AQR: variants seen among roughly 807,000 people sequenced by gnomAD.
AQR encodes the protein RNA helicase aquarius.
A neutral mutation model predicts 180.5 loss-of-function variants in AQR; 61 were observed. The ratio of observed to expected loss-of-function variants is 0.34; its 90% CI spans 0.28 to 0.42. The LOEUF (loss-of-function observed/expected upper bound fraction) is 0.42, where lower values mean the gene tolerates loss of function less well. Among genes scored for constraint, AQR ranks in the 10% least tolerant of loss-of-function variants. The pLI, the probability that AQR is intolerant of heterozygous loss-of-function variation, is 1.00. For missense variants in AQR, 1,281 were observed against 1,798.3 expected (o/e 0.71, Z 5.20); for synonymous variants, 551 against 588.8 (o/e 0.94, Z 0.93).
In AQR at chr15:34,955,132, A is replaced by C. The variant is rs545086161; in HGVS notation, c.174-2212T>G. Among the ~76,000 whole-genome samples, 178 of 152,236 alleles carry C rather than the reference A, an allele frequency of 1.2e-3. 1 individual carries two copies. Among genetic ancestry groups the C allele is most frequent in the African/African-American group, 4.1e-3 (170 of 41,538 alleles). Reference sequence around the variant, plus strand: ...AGTGAGTCTCCGTCTCAAAATAATAAATAAATAAATAATAAGTATGAAAAG... The same window carrying C: ...AGTGAGTCTCCGTCTCAAAATAATACATAAATAAATAATAAGTATGAAAAG... On this transcript the variant is annotated intron_variant, in intron 3 of 34. Coordinates refer to ENST00000156471, the MANE Select transcript of AQR (RefSeq NM_014691.3).
intron 4 of AQR, among the ~76,000 whole-genome samples, chr15:34,952,199 A>T (rs1239044178): frequency 6.6e-6 from 1 of 152,224 alleles, no homozygotes; most frequent in Non-Finnish European, 1.5e-5. Context: ...TTGGCATCAG[A>T]CATTGGTATC....
intron 10 of AQR, among the ~76,000 whole-genome samples, chr15:34,932,720 C>T (rs952966244): frequency 4.6e-5 from 7 of 152,052 alleles, no homozygotes; most frequent in Non-Finnish European, 7.4e-5. Context: ...AGTGCTTTGG[C>T]GTGGCGGGTG....
intron 23 of AQR, among the ~76,000 whole-genome samples, chr15:34,892,104 C>T (rs150691478): frequency 0.016 from 2,470 of 152,186 alleles, 36 homozygotes; most frequent in South Asian, 0.031. Flanking sequence ...ACATAAACTC[C>T]GAGAAAAAAC....
At chr15:34,864,740 TA>T (rs1892718724) in intron 32 of AQR, among the ~76,000 whole-genome samples, 1 of 152,320 alleles carries the variant, frequency 6.6e-6, no homozygotes, top group East Asian at 1.9e-4. Flanking sequence ...ATGACCACTG[TA>T]TGGTCTCGGA....
intron 10 of AQR, 54 bp from the exon 11 acceptor site, chr15:34,932,488 A>ATTTC: frequency 7.9e-7 from 1 of 1,268,570 alleles, no homozygotes; most frequent in Non-Finnish European, 1.1e-6. Flanking sequence ...CCACAGCTAG[A>ATTTC]AGTGAAATCT....
chr15:34,870,716 G>A, intron 31 of AQR, 36 bp downstream of exon 31: 1 of 1,562,384 alleles, frequency 6.4e-7, no homozygotes, highest in Non-Finnish European at 8.7e-7. Context: ...TTGCCAAAAT[G>A]ATGAATAAGA....
chr15:34,896,942 T>G lies in AQR; in HGVS notation c.2415A>C (p.Thr805=). 6.2e-7 allele frequency: 1 copy of G among 1,613,466 alleles called. No homozygotes were observed. Among genetic ancestry groups the G allele is most frequent in the East Asian group, 2.2e-5 (1 of 44,888 alleles). The change falls in exon 22 of 35, where the codon ACA becomes ACC. Residue 805 remains threonine, a synonymous_variant. Coordinates refer to ENST00000156471, the MANE Select transcript of AQR (RefSeq NM_014691.3). ...PKRNTIQFTH[T]QIEAIRAGMQ... ...TTCCAGCACGGATGGCTTCTATCTGTGTATGAGTGAACTGAATCGTATTAC... is the reference window on the plus strand; with the variant it reads ...TTCCAGCACGGATGGCTTCTATCTGGGTATGAGTGAACTGAATCGTATTAC...
At position 34,856,679 on chromosome 15, in the gene AQR, A is replaced by G. The variant is rs1017208329; in HGVS notation, c.*113T>C. 4 of 884,562 alleles carry G rather than the reference A, an allele frequency of 4.5e-6. No individual in the cohort carries two copies. Among genetic ancestry groups the G allele is most frequent in the Non-Finnish European group, 6.5e-6 (4 of 612,426 alleles). 54.8% of individuals were successfully genotyped at this position (884,562 alleles called of 1,614,324 possible). On this transcript the variant is annotated 3_prime_UTR_variant, in exon 35 of 35. Transcript: ENST00000156471. The stretch of plus-strand genomic sequence containing the variant: ...CCGAAATCAGTTAACAAATATAAGA[A>G]CTAAACATTAATTAGTGACAGTAAA...
At position 34,942,381 on chromosome 15, in the gene AQR, G is replaced by A. The variant is rs185012014; in HGVS notation, c.472-301C>T. On this transcript the variant is annotated intron_variant, in intron 6 of 34. Coordinates refer to ENST00000156471, the MANE Select transcript of AQR (RefSeq NM_014691.3). ...CAAACAAAAATCTGAGTTGTCCGAC[G>A]TGCACATTCTCAGGTGAGACTGAGC... is the stretch of plus-strand genomic sequence containing the variant. Among the ~76,000 whole-genome samples, 228 of 152,312 alleles carry A rather than the reference G, an allele frequency of 1.5e-3. 1 individual carries two copies. Among genetic ancestry groups the A allele is most frequent in the South Asian group, 0.011 (53 of 4,830 alleles).
chr15:34,955,871 T>G (rs1894306086), intron 3 of AQR, among the ~76,000 whole-genome samples: 1 of 146,168 alleles, frequency 6.8e-6, no homozygotes, highest in Non-Finnish European at 1.5e-5. Flanking sequence ...ATCATGCCAC[T>G]GCACTCCAGC....
At chr15:34,859,122 C>T (rs1280038107) in intron 34 of AQR, among the ~76,000 whole-genome samples, 2 of 152,126 alleles carry the variant, frequency 1.3e-5, no homozygotes, top group East Asian at 3.9e-4. Context: ...AATAAATAAA[C>T]AAGCCAGAAT....
intron 20 of AQR, among the ~76,000 whole-genome samples, chr15:34,898,680 C>T (rs1055536860): frequency 3.3e-5 from 5 of 152,064 alleles, no homozygotes; most frequent in Non-Finnish European, 7.4e-5. Flanking sequence ...GTCAGGAGAT[C>T]GAGACCATCC....
chr15:34,957,842 A>G (rs1324284738), intron 3 of AQR, among the ~76,000 whole-genome samples: 2 of 152,098 alleles, frequency 1.3e-5, no homozygotes, highest in African/African-American at 4.8e-5. Flanking sequence ...GTCCAAGATA[A>G]GAAAACGACT....
At chr15:34,902,770 A>G (rs1421648427) in intron 19 of AQR, among the ~76,000 whole-genome samples, 1 of 152,096 alleles carries the variant, frequency 6.6e-6, no homozygotes, top group Non-Finnish European at 1.5e-5. Flanking sequence ...GGTACTATAA[A>G]ACTTGGAAAC....
intron 1 of AQR, among the ~76,000 whole-genome samples, chr15:34,966,826 G>A (rs1438627451): frequency 6.7e-6 from 1 of 150,016 alleles, no homozygotes; most frequent in Non-Finnish European, 1.5e-5. Flanking sequence ...GGCTCTTCTA[G>A]AGTGCAAAGA....
chr15:34,884,147 C>T (rs920227509), intron 26 of AQR, among the ~76,000 whole-genome samples: 5 of 152,078 alleles, frequency 3.3e-5, no homozygotes, highest in Non-Finnish European at 7.4e-5. Flanking sequence ...TGGCTCACAC[C>T]TGTAATCTCA....
chr15:34,869,928 CTA>C (rs1892791293), intron 31 of AQR: 1 of 152,124 alleles, frequency 6.6e-6, no homozygotes, highest in Admixed American at 6.6e-5. Context: ...TGTATCCTAT[CTA>C]TGTTTTGCTG....
rs1892565029 is a variant in AQR at position 34,854,797 on chromosome 15, A to G, written c.*1995T>C. The G allele has an allele frequency of 6.6e-6, 1 of 152,346 alleles. No homozygotes were observed. The highest frequency in any genetic ancestry group is 6.5e-5 in the Admixed American group (1 of 15,306). 9.4% of individuals were successfully genotyped at this position (152,346 alleles called of 1,614,324 possible). A position where few individuals can be genotyped will look rare whatever the true frequency, so the allele number is the denominator to read the frequency against. On this transcript the variant is annotated 3_prime_UTR_variant, in exon 35 of 35. Coordinates refer to ENST00000156471, the MANE Select transcript of AQR (RefSeq NM_014691.3). ...GATGTACATTGCTTGGACAATAGTT[A>G]AGGAGAGAGCACTTAACAGCCAGCT...
chr15:34,957,481 C>T (rs776851580), intron 3 of AQR, among the ~76,000 whole-genome samples: 5 of 151,156 alleles, frequency 3.3e-5, no homozygotes, highest in African/African-American at 7.3e-5. Flanking sequence ...CCGAGGCAAG[C>T]GGATCACCTG....
Sources: allele counts gnomAD v4.1 joint callset (sites outside exome capture counted in the v4.1 genomes callset), GRCh38; gene constraint gnomAD v4.1.1; transcripts MANE v1.5; gene names NCBI Gene and HGNC (gene_info 2026-07-23, HGNC 2026-07-21).